AFF3: variants seen among roughly 807,000 people sequenced by gnomAD.
The protein encoded by AFF3 is ALF transcription elongation factor 3, also known as AF4/FMR2 family member 3.
A neutral mutation model predicts 129.7 loss-of-function variants in AFF3; 32 were observed. That is an observed-to-expected ratio of 0.25 (90% CI 0.19 to 0.33). AFF3 has a LOEUF of 0.33. Ranked by LOEUF, AFF3 falls within the 10% of genes least tolerant of loss-of-function variation. The pLI is 1.00. For synonymous variants in AFF3, 644 were observed against 635.4 expected, an observed-to-expected ratio of 1.01 and a Z score of -0.20; for missense variants, 1,373 against 1,592.0, an observed-to-expected ratio of 0.86 and a Z score of 2.34.
At chr2:100,066,064 C>T (rs542847608) in intron 4 of AFF3, among the ~76,000 whole-genome samples, 1 of 152,254 alleles carries the variant, frequency 6.6e-6, no homozygotes, top group African/African-American at 2.4e-5. Flanking sequence ...CATTTGTAGT[C>T]AATGTTGCTA....
intron 11 of AFF3, among the ~76,000 whole-genome samples, chr2:99,709,928 T>C (rs1677745418): frequency 1.3e-5 from 2 of 152,246 alleles, no homozygotes; most frequent in Admixed American, 6.5e-5. Flanking sequence ...CATTTGTTTA[T>C]CCATGTTTTT....
At chr2:99,728,740 A>C (rs1478250739) in intron 10 of AFF3, among the ~76,000 whole-genome samples, 1 of 152,248 alleles carries the variant, frequency 6.6e-6, no homozygotes, top group Non-Finnish European at 1.5e-5. Context: ...TTGATAACAA[A>C]CATTGATTAG....
At chr2:99,769,922 G>A (rs781165276) in intron 8 of AFF3, among the ~76,000 whole-genome samples, 5 of 152,202 alleles carry the variant, frequency 3.3e-5, no homozygotes, top group Non-Finnish European at 7.3e-5. Flanking sequence ...TGGCTACCAC[G>A]ACTGGGACTG....
At chr2:99,903,081 A>G (rs953258352) in intron 7 of AFF3, among the ~76,000 whole-genome samples, 5 of 152,182 alleles carry the variant, frequency 3.3e-5, no homozygotes, top group Admixed American at 2.6e-4. Flanking sequence ...ATAGTTGCTT[A>G]GGTACACCAG....
intron 13 of AFF3, among the ~76,000 whole-genome samples, chr2:99,623,586 C>T (rs1297714868): frequency 3.3e-5 from 5 of 152,306 alleles, no homozygotes; most frequent in African/African-American, 1.2e-4. Context: ...CCAACCGACA[C>T]GGGAGAGAAG....
At chr2:100,119,983 C>A (rs1218975026) in intron 2 of AFF3, among the ~76,000 whole-genome samples, 1 of 152,118 alleles carries the variant, frequency 6.6e-6, no homozygotes, top group African/African-American at 2.4e-5. Context: ...GCCTGAGGAC[C>A]AAATTAAAGC....
At position 99,594,136 on chromosome 2, in the gene AFF3, T is replaced by C. The variant is rs139371979; in HGVS notation, c.1525A>G (p.Lys509Glu). The part of the protein sequence containing the change: ...PVKEDVQDCG[K>E]VPDVCQPSLR... Reference sequence around the variant, plus strand: ...CTGGGCTGGCAAACGTCGGGGACTTTCCCACAGTCCTGGACGTCCTCTTTC... The same window carrying C: ...CTGGGCTGGCAAACGTCGGGGACTTCCCCACAGTCCTGGACGTCCTCTTTC... The change falls in exon 15 of 25, where the codon AAA becomes GAA. Residue 509 changes from lysine to glutamate, a missense_variant. By Grantham distance (56) the Lys-to-Glu change is moderately conservative. Around this residue, in one of 9 missense-constraint regions of AFF3, gnomAD observed 413 missense variants for 424.4 expected, o/e 0.97. Coordinates refer to ENST00000672756, the MANE Select transcript of AFF3 (RefSeq NM_001386135.1). The C allele has an allele frequency of 5.6e-5, 91 of 1,613,990 alleles. No homozygotes were observed. The highest frequency in any genetic ancestry group is 7.0e-5 in the Non-Finnish European group (83 of 1,180,008).
At chr2:99,696,467 A>C (rs997011612) in intron 11 of AFF3, among the ~76,000 whole-genome samples, 2 of 152,178 alleles carry the variant, frequency 1.3e-5, no homozygotes, top group Non-Finnish European at 2.9e-5. Flanking sequence ...CATCCTACAC[A>C]GTTATATCTG....
At chr2:99,847,248 T>G (rs1443754948) in intron 7 of AFF3, among the ~76,000 whole-genome samples, 1 of 152,050 alleles carries the variant, frequency 6.6e-6, no homozygotes, top group Non-Finnish European at 1.5e-5. Context: ...CTATCTTGGC[T>G]CACTGCAACC....
At chr2:99,989,270 C>T (rs940115700) in intron 7 of AFF3, among the ~76,000 whole-genome samples, 5 of 152,208 alleles carry the variant, frequency 3.3e-5, no homozygotes, top group African/African-American at 9.7e-5. Context: ...AAGAGATACA[C>T]ACTGTAATCA....
At chr2:99,606,948 C>T (rs1053827634) in intron 13 of AFF3, among the ~76,000 whole-genome samples, 1 of 147,532 alleles carries the variant, frequency 6.8e-6, no homozygotes, top group Non-Finnish European at 1.5e-5. Flanking sequence ...AAGAGTACTT[C>T]AGCAACCTTT....
At chr2:100,028,195 G>A (rs1684202329) in intron 4 of AFF3, among the ~76,000 whole-genome samples, 1 of 152,166 alleles carries the variant, frequency 6.6e-6, no homozygotes, top group African/African-American at 2.4e-5. Flanking sequence ...CAGGCAGCTT[G>A]AGGAAGTGTA....
chr2:99,563,253 C>T lies in AFF3; in HGVS notation c.3119+2234G>A, dbSNP rs542027273. ...TCGCCCAGGCTGGAGTGCAGTGGCG[C>T]GATCTTGGCTCACTGCGAGCTCCGC... is the stretch of plus-strand genomic sequence containing the variant. On this transcript the variant is annotated intron_variant, in intron 20 of 24. Transcript: ENST00000672756. 1.3e-3 allele frequency among the ~76,000 whole-genome samples: 203 copies of T among 151,508 alleles called. 5 individuals are homozygous for T. The highest frequency in any genetic ancestry group is 0.011 in the South Asian group (53 of 4,776).
chr2:99,887,531 A>G (rs1447812016), intron 7 of AFF3, among the ~76,000 whole-genome samples: 2 of 152,250 alleles, frequency 1.3e-5, no homozygotes, highest in Non-Finnish European at 2.9e-5. Context: ...ATTACTAGGA[A>G]TGTAGTTATC....
intron 11 of AFF3, among the ~76,000 whole-genome samples, chr2:99,703,472 T>C (rs1238773971): frequency 4.6e-5 from 7 of 152,218 alleles, no homozygotes; most frequent in African/African-American, 1.7e-4. Context: ...TTTTAGCCTA[T>C]GAATGTCCGA....
chr2:99,730,284 T>C (rs1023027723), intron 10 of AFF3, among the ~76,000 whole-genome samples: 3 of 152,124 alleles, frequency 2.0e-5, no homozygotes, highest in Admixed American at 2.0e-4. Context: ...ATTATAACAG[T>C]TACCTTTTTA....
At chr2:100,008,682 G>T (rs1432892805) in intron 5 of AFF3, 130 bp downstream of exon 5, 18 of 1,185,344 alleles carry the variant, frequency 1.5e-5, no homozygotes, top group Middle Eastern at 2.0e-4. Context: ...TGGCTGAGCT[G>T]TCTTCCCTGG....
intron 8 of AFF3, among the ~76,000 whole-genome samples, chr2:99,832,493 C>G (rs1688578419): frequency 6.6e-6 from 1 of 152,218 alleles, no homozygotes; most frequent in African/African-American, 2.4e-5. Flanking sequence ...AACATAGTGG[C>G]AAGCTGTTGG....
chr2:100,099,628 G>C (rs539713731), intron 4 of AFF3, among the ~76,000 whole-genome samples: 1 of 152,140 alleles, frequency 6.6e-6, no homozygotes, highest in Non-Finnish European at 1.5e-5. Context: ...ACTTTCAACA[G>C]GATGTGCCCA....
Sources: allele counts gnomAD v4.1 joint callset (sites outside exome capture counted in the v4.1 genomes callset), GRCh38; gene constraint gnomAD v4.1.1; regional missense constraint gnomAD v4.1.1; transcripts MANE v1.5; gene names NCBI Gene and HGNC (gene_info 2026-07-23, HGNC 2026-07-21).